The following AKAP13 variants were observed in gnomAD, a reference collection of about 807,000 sequenced individuals.
AKAP13 encodes A-kinase anchor protein 13.
In AKAP13, 80 loss-of-function variants were observed where a neutral mutation model predicts 264.5. The ratio of observed to expected loss-of-function variants is 0.30; its 90% confidence interval spans 0.25 to 0.36. AKAP13 has a LOEUF of 0.36. Ranked by LOEUF, AKAP13 falls within the 10% of genes least tolerant of loss-of-function variation. The pLI, the probability that AKAP13 is intolerant of heterozygous loss-of-function variation, is 1.00. For missense variants in AKAP13, 3,712 were observed against 3,435.2 expected (o/e 1.08, Z -2.01); for synonymous variants, 1,380 against 1,250.2 (o/e 1.10, Z -2.19).
Position 85,715,846 on chromosome 15 carries a change from C to T in AKAP13, c.5658C>T (p.Thr1886=), listed in dbSNP as rs1408735642. The part of the protein sequence containing the change: ...SAVLLVDETA[T]TPIFANRRSQ... The stretch of plus-strand genomic sequence containing the variant: ...TCCTCCTGGTGGATGAAACCGCTAC[C>T]ACCCCAATATTTGCCAATAGACGAT... Residue 1886 remains threonine, a synonymous_variant, in exon 20 of 37, where the codon ACC becomes ACT. Transcript: ENST00000394518. 5.6e-6 allele frequency: 9 copies of T among 1,613,374 alleles called. No homozygotes were observed. The highest frequency in any genetic ancestry group is 5.5e-5 in the South Asian group (5 of 91,016).
At chr15:85,632,603 ATTATG>A (rs2081889429) in intron 8 of AKAP13, among the ~76,000 whole-genome samples, 1 of 152,170 alleles carries the variant, frequency 6.6e-6, no homozygotes, top group Non-Finnish European at 1.5e-5. Context: ...CATCACTGTT[ATTATG>A]TTCTCATCAC....
At chr15:85,588,777 C>G (rs6496109) in intron 8 of AKAP13, among the ~76,000 whole-genome samples, 25,667 of 152,090 alleles carry the variant, frequency 0.17, 2,460 homozygotes, top group Non-Finnish European at 0.22. Context: ...AGCTTGAGGC[C>G]AAAGGCAGCT....
intron 8 of AKAP13, among the ~76,000 whole-genome samples, chr15:85,609,163 T>C (rs1323005975): frequency 6.6e-6 from 1 of 152,226 alleles, no homozygotes; most frequent in Non-Finnish European, 1.5e-5. Context: ...GTTTGAAATA[T>C]ACAATATATT....
chr15:85,629,537 C>T lies in AKAP13; in HGVS notation c.4162-9837C>T, dbSNP rs187828491. Reference sequence around the variant, plus strand: ...ATTGGGGAGATCCGTTAAATAGATGCGATTTTGTTCTCTGGAAGCTTATGG... The same window carrying T: ...ATTGGGGAGATCCGTTAAATAGATGTGATTTTGTTCTCTGGAAGCTTATGG... On this transcript the variant is annotated intron_variant, in intron 8 of 36. Transcript: ENST00000394518. Among the ~76,000 whole-genome samples the T allele has an allele frequency of 2.8e-3, 427 of 152,116 alleles. 3 individuals carry two copies. Among genetic ancestry groups the T allele is most frequent in the African/African-American group, 9.9e-3 (409 of 41,506 alleles).
intron 8 of AKAP13, chr15:85,627,515 GT>G (rs1305283029): frequency 3.3e-5 from 5 of 152,110 alleles, no homozygotes; most frequent in Non-Finnish European, 7.3e-5. Context: ...CATTGTATCT[GT>G]ACACATCTAG....
chr15:85,705,752 A>C (rs2086202931), intron 17 of AKAP13, among the ~76,000 whole-genome samples: 1 of 152,240 alleles, frequency 6.6e-6, no homozygotes, highest in Non-Finnish European at 1.5e-5. Context: ...TCACTTTTTA[A>C]GAAACCATTA....
At chr15:85,433,406 GT>G (rs1195297770) in intron 1 of AKAP13, among the ~76,000 whole-genome samples, 1 of 151,890 alleles carries the variant, frequency 6.6e-6, no homozygotes, top group African/African-American at 2.4e-5. Flanking sequence ...GGGAGCACTT[GT>G]TTCTCCACGT....
intron 1 of AKAP13, among the ~76,000 whole-genome samples, chr15:85,471,694 G>A (rs962750137): frequency 1.3e-5 from 2 of 152,122 alleles, no homozygotes; most frequent in African/African-American, 4.8e-5. Flanking sequence ...CCATCCCTGG[G>A]TCCAGGCAAG....
intron 1 of AKAP13, among the ~76,000 whole-genome samples, chr15:85,448,426 A>T (rs1236729867): frequency 6.6e-6 from 1 of 152,124 alleles, no homozygotes; most frequent in Non-Finnish European, 1.5e-5. Flanking sequence ...TGTCTTTGTC[A>T]TGAAATCTTT....
At chr15:85,382,607 G>C (rs1335641667) in intron 1 of AKAP13, among the ~76,000 whole-genome samples, 1 of 152,172 alleles carries the variant, frequency 6.6e-6, no homozygotes, top group African/African-American at 2.4e-5. Context: ...TTCCTTCTCT[G>C]GGCGGTGATG....
intron 5 of AKAP13, among the ~76,000 whole-genome samples, chr15:85,562,355 A>G (rs2880855): frequency 0.67 from 100,489 of 151,100 alleles, 33,530 homozygotes; most frequent in Middle Eastern, 0.78. Flanking sequence ...ACCTGAGGTC[A>G]GGAGTTTGAG....
intron 1 of AKAP13, among the ~76,000 whole-genome samples, chr15:85,412,902 T>C (rs1426382579): frequency 6.6e-6 from 1 of 152,224 alleles, no homozygotes; most frequent in Non-Finnish European, 1.5e-5. Flanking sequence ...CTAACCTTTA[T>C]CTTATCCTGC....
At chr15:85,723,815 C>T (rs534365053) in intron 26 of AKAP13, among the ~76,000 whole-genome samples, 1 of 152,260 alleles carries the variant, frequency 6.6e-6, no homozygotes, top group African/African-American at 2.4e-5. Flanking sequence ...TAACCCACAT[C>T]AATTAGATTT....
At chr15:85,387,949 G>T (rs2070660631) in intron 1 of AKAP13, among the ~76,000 whole-genome samples, 1 of 151,692 alleles carries the variant, frequency 6.6e-6, no homozygotes, top group Non-Finnish European at 1.5e-5. Flanking sequence ...TTTTTTTGTA[G>T]ATTTTTGGAA....
intron 2 of AKAP13, among the ~76,000 whole-genome samples, chr15:85,520,094 T>G (rs1169530162): frequency 6.6e-6 from 1 of 152,120 alleles, no homozygotes; most frequent in Non-Finnish European, 1.5e-5. Context: ...CAACAGGAAT[T>G]ATATAGTTCG....
At chr15:85,482,723 G>A (rs2075389133) in intron 1 of AKAP13, among the ~76,000 whole-genome samples, 1 of 152,122 alleles carries the variant, frequency 6.6e-6, no homozygotes, top group Non-Finnish European at 1.5e-5. Context: ...GTGAAATAGG[G>A]GAAATAGTAT....
At chr15:85,675,951 G>C (rs924794511) in intron 14 of AKAP13, among the ~76,000 whole-genome samples, 2 of 151,560 alleles carry the variant, frequency 1.3e-5, no homozygotes, top group African/African-American at 4.9e-5. Flanking sequence ...TCACTCCATC[G>C]CCCGGGCTGG....
At chr15:85,540,318 T>C (rs1260361260) in intron 4 of AKAP13, among the ~76,000 whole-genome samples, 1 of 152,154 alleles carries the variant, frequency 6.6e-6, no homozygotes, top group Non-Finnish European at 1.5e-5. Context: ...AGCCTTCCAG[T>C]TGATGCAGTG....
At chr15:85,740,660 A>T in intron 34 of AKAP13, 1 of 319,016 alleles carries the variant, frequency 3.1e-6, no homozygotes, top group Non-Finnish European at 5.8e-6. Flanking sequence ...GAACATCCTC[A>T]AATTCTGCTC....
Sources: allele counts gnomAD v4.1 joint callset (sites outside exome capture counted in the v4.1 genomes callset), GRCh38; gene constraint gnomAD v4.1.1; transcripts MANE v1.5; gene names NCBI Gene and HGNC (gene_info 2026-07-23, HGNC 2026-07-21).